The following STYXL2 variants were observed in gnomAD, a reference collection of about 807,000 sequenced individuals.
STYXL2 encodes serine/threonine/tyrosine-interacting-like protein 2.
A neutral mutation model predicts 52.4 loss-of-function variants in STYXL2; 44 were observed. That is an observed-to-expected ratio of 0.84 (90% CI 0.66 to 1.08). The LOEUF (loss-of-function observed/expected upper bound fraction) is 1.08. Ranked by LOEUF, STYXL2 falls within the 50% of genes least tolerant of loss-of-function variation. STYXL2 has a pLI of 0.00. For synonymous variants in STYXL2, 604 were observed against 586.9 expected, an observed-to-expected ratio of 1.03 and a Z score of -0.42; for missense variants, 1,604 against 1,471.7, an observed-to-expected ratio of 1.09 and a Z score of -1.47.
rs141768112 is a variant in STYXL2 at position 167,096,214 on chromosome 1, C to T, written c.110+1255C>T. ...CGGAGGTTTCAGTGAGCCGAGATCG[C>T]GCCACTGAACTTCAGCCTGGGCGAC... is the stretch of plus-strand genomic sequence containing the variant. On this transcript the variant is annotated intron_variant, in intron 2 of 5. Coordinates refer to ENST00000361200, the MANE Select transcript of STYXL2 (RefSeq NM_001080426.3). Among the ~76,000 whole-genome samples, 1,294 of 151,980 alleles carry T rather than the reference C, an allele frequency of 8.5e-3. 26 individuals are homozygous for T. Among genetic ancestry groups the T allele is most frequent in the African/African-American group, 0.03 (1,229 of 41,440 alleles).
intron 2 of STYXL2, among the ~76,000 whole-genome samples, chr1:167,108,161 T>C (rs933624761): frequency 6.6e-6 from 1 of 152,110 alleles, no homozygotes; most frequent in Admixed American, 6.5e-5. Context: ...CTTACCATGG[T>C]CCATCCATTC....
At chr1:167,119,033 C>T (rs1014875032) in intron 4 of STYXL2, among the ~76,000 whole-genome samples, 1 of 152,216 alleles carries the variant, frequency 6.6e-6, no homozygotes, top group Non-Finnish European at 1.5e-5. Flanking sequence ...CTCGCCCTTC[C>T]TTGCCTAACT....
chr1:167,107,980 G>C (rs1024518205), intron 2 of STYXL2, among the ~76,000 whole-genome samples: 1 of 152,192 alleles, frequency 6.6e-6, no homozygotes, highest in Admixed American at 6.5e-5. Context: ...CCTAGGCAGA[G>C]AGGAACTTGG....
At chr1:167,100,845 A>G (rs1309914448) in intron 2 of STYXL2, among the ~76,000 whole-genome samples, 1 of 152,226 alleles carries the variant, frequency 6.6e-6, no homozygotes, top group Non-Finnish European at 1.5e-5. Flanking sequence ...TTCTCAAGGA[A>G]GGCAAACATG....
At chr1:167,095,007 C>CTGGGGACAGGTTGGGCCAT in intron 2 of STYXL2, 48 bp downstream of exon 2, 7 of 1,461,750 alleles carry the variant, frequency 4.8e-6, no homozygotes, top group Non-Finnish European at 6.6e-6. Context: ...CTGGGAGGGG[C>CTGGGGACAGGTTGGGCCAT]TGGGGACAGG....
At position 167,099,375 on chromosome 1, in the gene STYXL2, A is replaced by G. The variant is rs986750690; in HGVS notation, c.110+4416A>G. 1.5e-4 allele frequency among the ~76,000 whole-genome samples: 23 copies of G among 152,230 alleles called. 1 individual carries two copies. The highest frequency in any genetic ancestry group is 4.4e-5 in the Non-Finnish European group (3 of 68,038). ...CCTAATGAGCATTTATAGAACATGCACCCAACAAGTACAGGATACACATTC... is the reference window on the plus strand; with the variant it reads ...CCTAATGAGCATTTATAGAACATGCGCCCAACAAGTACAGGATACACATTC... On this transcript the variant is annotated intron_variant, in intron 2 of 5. Transcript: ENST00000361200.
Position 167,128,081 on chromosome 1 carries a change from C to G in STYXL2, c.2950C>G (p.Gln984Glu), listed in dbSNP as rs1376777205. Residue 984 changes from glutamine (Q) to glutamate (E), a missense_variant, in exon 6 of 6, where the codon CAG (glutamine) becomes GAG (glutamate). Transcript: ENST00000361200. ...KSSSYKFSKS[Q>E]SEEQDTSSYH... is the part of the protein sequence containing the mutation. ...CTCCAGTTACAAGTTTTCCAAATCC[C>G]AGTCAGAGGAACAGGACACCTCCTC... 6.2e-7 allele frequency: 1 copy of G among 1,614,204 alleles called. No homozygotes were observed. The highest frequency in any genetic ancestry group is 1.7e-5 in the Admixed American group (1 of 60,020).
In STYXL2 at chr1:167,119,384, G is replaced by A; in HGVS notation, c.573G>A (p.Val191=). The A allele has an allele frequency of 1.2e-6, 2 of 1,614,192 alleles. No individual in the cohort carries two copies. Among genetic ancestry groups the A allele is most frequent in the Non-Finnish European group, 1.7e-6 (2 of 1,180,014 alleles). Residue 191 remains valine, a synonymous_variant, in exon 5 of 6, where the codon GTG becomes GTA. Transcript: ENST00000361200. ...AGATCCAGTACCTGGGTGTAGAGGT[G>A]GATGACTTTCCTGAGGTGGACATTT... is the stretch of plus-strand genomic sequence containing the variant. ...GLEIQYLGVE[V]DDFPEVDISQ...
intron 2 of STYXL2, among the ~76,000 whole-genome samples, chr1:167,106,461 C>A (rs1667508672): frequency 6.6e-6 from 1 of 152,176 alleles, no homozygotes; most frequent in African/African-American, 2.4e-5. Flanking sequence ...CAATAATTCT[C>A]AACATGGATC....
At chr1:167,107,916 G>C (rs1229705978) in intron 2 of STYXL2, among the ~76,000 whole-genome samples, 6 of 152,156 alleles carry the variant, frequency 3.9e-5, no homozygotes, top group African/African-American at 1.4e-4. Flanking sequence ...TGAAAAATGA[G>C]GGAAGCAGGA....
Position 167,127,087 on chromosome 1 carries a change from G to C in STYXL2, c.1956G>C (p.Thr652=), listed in dbSNP as rs769487453. The C allele has an allele frequency of 1.6e-5, 26 of 1,613,560 alleles. No homozygotes were observed. The highest frequency in any genetic ancestry group is 2.2e-5 in the Non-Finnish European group (26 of 1,179,684). The change falls in exon 6 of 6, where the codon ACG becomes ACC. Residue 652 remains threonine (T), a synonymous_variant. Coordinates refer to ENST00000361200, the MANE Select transcript of STYXL2 (RefSeq NM_001080426.3). ...SMASWEADSS[T]ASGSIPLSAF... is the part of the protein sequence containing the mutation. ...CAAGCTGGGAGGCGGACAGCTCCAC[G>C]GCCAGCGGGAGCATTCCCCTGTCTG...
At position 167,128,758 on chromosome 1, in the gene STYXL2, A is replaced by G; in HGVS notation, c.*150A>G. ...AATGAGAGGTACCAAGCATAAGGGC[A>G]GCAGAGGTGGAGTAGGGAGGAGGCA... On this transcript the variant is annotated 3_prime_UTR_variant, in exon 6 of 6. Transcript: ENST00000361200. 1 of 1,324,732 alleles carries G rather than the reference A, an allele frequency of 7.5e-7. No homozygotes were observed. Among genetic ancestry groups the G allele is most frequent in the Non-Finnish European group, 1.0e-6 (1 of 1,001,760 alleles). 82.1% of individuals were successfully genotyped at this position (1,324,732 alleles called of 1,614,324 possible).
At chr1:167,113,286 A>G (rs1667654761) in intron 2 of STYXL2, among the ~76,000 whole-genome samples, 2 of 152,140 alleles carry the variant, frequency 1.3e-5, no homozygotes, top group Non-Finnish European at 1.5e-5. Flanking sequence ...GTGGCAACCT[A>G]TTCAGCCCAG....
chr1:167,118,959 T>G (rs185724760), intron 4 of STYXL2, among the ~76,000 whole-genome samples: 7 of 152,358 alleles, frequency 4.6e-5, no homozygotes, highest in Admixed American at 3.9e-4. Flanking sequence ...GCATGGGGTT[T>G]TAAACTAGAA....
At chr1:167,099,405 C>T (rs1221395975) in intron 2 of STYXL2, among the ~76,000 whole-genome samples, 1 of 152,094 alleles carries the variant, frequency 6.6e-6, no homozygotes, top group Non-Finnish European at 1.5e-5. Flanking sequence ...ACATTCTTAC[C>T]ATGTACACAT....
chr1:167,104,884 A>G (rs1466196389), intron 2 of STYXL2, among the ~76,000 whole-genome samples: 1 of 152,230 alleles, frequency 6.6e-6, no homozygotes, highest in African/African-American at 2.4e-5. Flanking sequence ...TCTGGGCTGA[A>G]GGACCCCAAT....
chr1:167,127,222 G>C lies in STYXL2; in HGVS notation c.2091G>C (p.Gly697=). Reference sequence around the variant, plus strand: ...CTCAGGCTGCAAGCAACATAGCGGGGTGTTCAACCTCCAACCCCACCACAC... The same window carrying C: ...CTCAGGCTGCAAGCAACATAGCGGGCTGTTCAACCTCCAACCCCACCACAC... ...HLSQAASNIA[G]CSTSNPTTPL... Residue 697 remains glycine (G), a synonymous_variant, in exon 6 of 6, where the codon GGG becomes GGC. Coordinates refer to ENST00000361200, the MANE Select transcript of STYXL2 (RefSeq NM_001080426.3). 1 of 1,614,164 alleles carries C rather than the reference G, an allele frequency of 6.2e-7. No homozygotes were observed.
intron 2 of STYXL2, among the ~76,000 whole-genome samples, chr1:167,099,749 G>A (rs1667363330): frequency 6.6e-6 from 1 of 152,182 alleles, no homozygotes; most frequent in South Asian, 2.1e-4. Flanking sequence ...GTTGTCCTCT[G>A]ACCCAGCAGG....
chr1:167,114,990 AC>A (rs1164237671), intron 3 of STYXL2, among the ~76,000 whole-genome samples: 2 of 152,062 alleles, frequency 1.3e-5, no homozygotes, highest in Admixed American at 6.6e-5. Flanking sequence ...CATTCTGTGG[AC>A]CATTCTCCAT....
Sources: allele counts gnomAD v4.1 joint callset (sites outside exome capture counted in the v4.1 genomes callset), GRCh38; gene constraint gnomAD v4.1.1; transcripts MANE v1.5; gene names NCBI Gene and HGNC (gene_info 2026-07-23, HGNC 2026-07-21).